FLG2: variants seen among roughly 807,000 people sequenced by gnomAD.
The protein encoded by FLG2 is filaggrin-2.
Under a neutral mutation model 3.9 loss-of-function variants are expected in FLG2, and 7 were observed. The ratio of observed to expected loss-of-function variants is 1.79; its 90% CI spans 1.02 to 3.36. The LOEUF is 3.36. FLG2 is among the 30% of genes most tolerant of loss of function. The pLI is 0.00. For missense variants in FLG2, 2,700 were observed against 2,809.4 expected (o/e 0.96, Z 0.88); for synonymous variants, 1,031 against 1,056.1 (o/e 0.98, Z 0.46).
At position 152,356,739 on chromosome 1, in the gene FLG2, G is replaced by A; in HGVS notation, c.1047C>T (p.Ser349=). Residue 349 remains serine (S), a synonymous_variant, in exon 3 of 3, where the codon TCC becomes TCT. Coordinates refer to ENST00000388718, the MANE Select transcript of FLG2 (RefSeq NM_001014342.3). ...TAGCTCCATATCCTCTCTGACTATAGGACTGACTACAGGGGTTAGACTCAG... is the reference window on the plus strand; with the variant it reads ...TAGCTCCATATCCTCTCTGACTATAAGACTGACTACAGGGGTTAGACTCAG... ...GQPESNPCSQ[S]YSQRGYGARE... is the part of the protein sequence containing the mutation. 1 of 1,614,120 alleles carries A rather than the reference G, an allele frequency of 6.2e-7. No individual in the cohort carries two copies. Among genetic ancestry groups the A allele is most frequent in the African/African-American group, 1.3e-5 (1 of 75,004 alleles).
At position 152,357,400 on chromosome 1, in the gene FLG2, T is replaced by C. The variant is rs747912480; in HGVS notation, c.386A>G (p.Tyr129Cys). The C allele has an allele frequency of 1.5e-5, 24 of 1,614,074 alleles. No homozygotes were observed. Among genetic ancestry groups the C allele is most frequent in the Non-Finnish European group, 1.9e-5 (23 of 1,180,040 alleles). ...TCCCTCACTCCAACTTGAATGTCTG[T>C]AACCTGATTTATGTCCTGGTGTATC... ...EEDTPGHKSG[Y>C]RHSSWSEGEE... Residue 129 changes from tyrosine (Y) to cysteine (C), a missense_variant, in exon 3 of 3, where the codon TAC (tyrosine) becomes TGC (cysteine). By Grantham distance (194) the Tyr-to-Cys change is radical (BLOSUM62 -2). Transcript: ENST00000388718.
In FLG2 at chr1:152,353,322, C is replaced by T. The variant is rs1553218359; in HGVS notation, c.4464G>A (p.Gln1488=). Residue 1488 remains glutamine (Q), a synonymous_variant, in exon 3 of 3, where the codon CAG becomes CAA. Transcript: ENST00000388718. ...TTCTTCCAGTTGTACTGGACCCTCT[C>T]TGTGTGGATTTTCCATGATGATAGT... ...HAHYHHGKST[Q]RGSSTTGRRG... The T allele has an allele frequency of 6.2e-7, 1 of 1,613,206 alleles. No homozygotes were observed.
At chr1:152,359,774 C>T (rs1486686360) in intron 1 of FLG2, among the ~76,000 whole-genome samples, 182 bp downstream of exon 1, 1 of 151,178 alleles carries the variant, frequency 6.6e-6, no homozygotes, top group Non-Finnish European at 1.5e-5. Flanking sequence ...ACAAAAAGGC[C>T]CCAGAATAAA....
intron 2 of FLG2, 43 bp from the exon 3 acceptor site, chr1:152,357,690 C>A (rs142211912): frequency 2.2e-6 from 3 of 1,389,448 alleles, no homozygotes; most frequent in South Asian, 1.3e-5. Context: ...GTCAGCCTAA[C>A]CTGCATACTC....
chr1:152,351,019 C>T lies in FLG2; in HGVS notation c.6767G>A (p.Ser2256Asn). 1 of 1,612,848 alleles carries T rather than the reference C, an allele frequency of 6.2e-7. No homozygotes were observed. The highest frequency in any genetic ancestry group is 8.5e-7 in the Non-Finnish European group (1 of 1,179,848). ...RTTGRRGSGH[S>N]ESSDSEVHSW... ...GTGCACTTCACTGTCACTGGACTCA[C>T]TGTGGCCAGATCCCCTTCTTCCAGT... Residue 2256 changes from serine (S) to asparagine (N), a missense_variant, in exon 3 of 3, where the codon AGT becomes AAT. Coordinates refer to ENST00000388718, the MANE Select transcript of FLG2 (RefSeq NM_001014342.3).
rs762507218 is a variant in FLG2, at chr1:152,352,768, G to C, written c.5018C>G (p.Thr1673Ser). ...ATGTTGAGATCCAGCTTGACCATGA[G>C]TGTGTCCTGTATGTGTGTGTGAGAC... ...SGVSHTHTGH[T>S]HGQAGSQHGQ... The change falls in exon 3 of 3, where the codon ACT becomes AGT. Residue 1673 changes from threonine to serine, a missense_variant. Transcript: ENST00000388718. 3 of 1,613,894 alleles carry C rather than the reference G, an allele frequency of 1.9e-6. No individual in the cohort carries two copies. Among genetic ancestry groups the C allele is most frequent in the Non-Finnish European group, 2.5e-6 (3 of 1,179,976 alleles).
In FLG2 at chr1:152,350,786, C is replaced by T; in HGVS notation, c.7000G>A (p.Glu2334Lys). 1.9e-6 allele frequency: 3 copies of T among 1,614,236 alleles called. No homozygotes were observed. The highest frequency in any genetic ancestry group is 2.5e-6 in the Non-Finnish European group (3 of 1,180,050). ...RASHFQSHSS[E>K]RQRHGSSQVW... ...TGACTTGATCCATGCCTTTGCCTTT[C>T]ACTACTATGTGACTGAAAATGACTT... is the stretch of plus-strand genomic sequence containing the variant. Residue 2334 changes from glutamate to lysine, a missense_variant, in exon 3 of 3, where the codon GAA becomes AAA. By Grantham distance (56) the Glu-to-Lys change is moderately conservative. Coordinates refer to ENST00000388718, the MANE Select transcript of FLG2 (RefSeq NM_001014342.3).
At position 152,353,738 on chromosome 1, in the gene FLG2, C is replaced by A. The variant is rs943779768; in HGVS notation, c.4048G>T (p.Ala1350Ser). 3.7e-6 allele frequency: 6 copies of A among 1,613,750 alleles called. No individual in the cohort carries two copies. Among genetic ancestry groups the A allele is most frequent in the African/African-American group, 2.7e-5 (2 of 74,786 alleles). Residue 1350 changes from alanine (A) to serine (S), a missense_variant, in exon 3 of 3, where the codon GCC (alanine) becomes TCC (serine). Ala to Ser is a moderately conservative substitution (Grantham distance 99). Transcript: ENST00000388718. ...SGRQRFSHSD[A>S]TDSEVHSGVS... Reference sequence around the variant, plus strand: ...CCTGAGTGCACTTCACTGTCAGTGGCATCACTGTGGCTAAATCTCTGTCTT... The same window carrying A: ...CCTGAGTGCACTTCACTGTCAGTGGAATCACTGTGGCTAAATCTCTGTCTT...
rs765141597 is a variant in FLG2 at position 152,350,288 on chromosome 1, T to C, written c.*322A>G. On this transcript the variant is annotated 3_prime_UTR_variant, in exon 3 of 3. Transcript: ENST00000388718. Reference sequence around the variant, plus strand: ...TCAGTATGGGATTCCTGTTTTCTGATTGAACTAGATTTTGAATGGCCATGA... The same window carrying C: ...TCAGTATGGGATTCCTGTTTTCTGACTGAACTAGATTTTGAATGGCCATGA... 1 of 309,732 alleles carries C rather than the reference T, an allele frequency of 3.2e-6. No homozygotes were observed. Among genetic ancestry groups the C allele is most frequent in the Non-Finnish European group, 5.9e-6 (1 of 168,682 alleles). 19.2% of individuals were successfully genotyped at this position (309,732 alleles called of 1,614,324 possible). A position where few individuals can be genotyped will look rare whatever the true frequency, so the allele number is the denominator to read the frequency against.
rs746471928 is a variant in FLG2, at chr1:152,354,214, C to T, written c.3572G>A (p.Ser1191Asn). The T allele has an allele frequency of 1.2e-5, 19 of 1,614,020 alleles. No homozygotes were observed. Among genetic ancestry groups the T allele is most frequent in the Non-Finnish European group, 1.4e-5 (17 of 1,180,018 alleles). Residue 1191 changes from serine to asparagine, a missense_variant, in exon 3 of 3, where the codon AGT becomes AAT. Ser to Asn is a conservative substitution (Grantham distance 46). Coordinates refer to ENST00000388718, the MANE Select transcript of FLG2 (RefSeq NM_001014342.3). ...TGAGTCAGATATATGTTGTCCAGAACTAGAGAAATTGTCTGAGCCAGACAC... is the reference window on the plus strand; with the variant it reads ...TGAGTCAGATATATGTTGTCCAGAATTAGAGAAATTGTCTGAGCCAGACAC... The part of the protein sequence containing the change: ...QHVSGSDNFS[S>N]SGQHISDSGQ...
At position 152,349,930 on chromosome 1, in the gene FLG2, G is replaced by C. The variant is rs1452430396; in HGVS notation, c.*680C>G. ...ATACCTATACTCTTCAATTCCTGCA[G>C]GGTCTTGGCTGTCAAGAAAGTGACT... On this transcript the variant is annotated 3_prime_UTR_variant, in exon 3 of 3. Transcript: ENST00000388718. 2.6e-5 allele frequency: 4 copies of C among 154,580 alleles called. No individual in the cohort carries two copies. The highest frequency in any genetic ancestry group is 6.4e-5 in the Admixed American group (1 of 15,730). The allele number at this position is 154,580 out of a possible 1,614,324, so 9.6% of individuals were successfully genotyped here. A position where few individuals can be genotyped will look rare whatever the true frequency, so the allele number is the denominator to read the frequency against.
intron 1 of FLG2, 75 bp from the exon 2 acceptor site, chr1:152,358,981 C>T (rs1454606452): frequency 1.5e-6 from 2 of 1,364,940 alleles, no homozygotes; most frequent in African/African-American, 3.0e-5. Flanking sequence ...TTAATAATAA[C>T]CAGCATGATT....
rs1480611551 is a variant in FLG2 at position 152,351,380 on chromosome 1, A to G, written c.6406T>C (p.Ser2136Pro). The change falls in exon 3 of 3, where the codon TCA (serine) becomes CCA (proline). Residue 2136 changes from serine to proline, a missense_variant. By Grantham distance (74) the Ser-to-Pro change is moderately conservative. Coordinates refer to ENST00000388718, the MANE Select transcript of FLG2 (RefSeq NM_001014342.3). ...TGTCTCCCGTGAATGGCAGATCCTG[A>G]CTCTCCATGTTGAGATCTGGCTTGG... is the stretch of plus-strand genomic sequence containing the variant. Reference protein sequence around the residue: ...YGQARSQHGESGSAIHGRQGT... With the variant: ...YGQARSQHGEPGSAIHGRQGT... 10 of 1,610,670 alleles carry G rather than the reference A, an allele frequency of 6.2e-6. No individual in the cohort carries two copies. Among genetic ancestry groups the G allele is most frequent in the Non-Finnish European group, 8.5e-6 (10 of 1,179,120 alleles).
In FLG2 at chr1:152,356,169, A is replaced by G. The variant is rs1347643177; in HGVS notation, c.1617T>C (p.Arg539=). 3 of 1,613,598 alleles carry G rather than the reference A, an allele frequency of 1.9e-6. No homozygotes were observed. The highest frequency in any genetic ancestry group is 2.5e-6 in the Non-Finnish European group (3 of 1,179,988). Reference sequence around the variant, plus strand: ...AACCATGTTGGCCATAGCTAGACTGACGTGATCTAGACTCATGTTGTCCAA... The same window carrying G: ...AACCATGTTGGCCATAGCTAGACTGGCGTGATCTAGACTCATGTTGTCCAA... ...SGFGQHESRS[R]QSSYGQHGSG... The change falls in exon 3 of 3, where the codon CGT becomes CGC. Residue 539 remains arginine, a synonymous_variant. Coordinates refer to ENST00000388718, the MANE Select transcript of FLG2 (RefSeq NM_001014342.3).
In FLG2 at chr1:152,351,611, C is replaced by T; in HGVS notation, c.6175G>A (p.Gly2059Arg). The T allele has an allele frequency of 1.2e-6, 2 of 1,606,090 alleles. No homozygotes were observed. Among genetic ancestry groups the T allele is most frequent in the Non-Finnish European group, 8.5e-7 (1 of 1,177,960 alleles). ...HAHGQAGSQH[G>R]ESGSSVHERH... ...TCATGAACTGAGGATCCTGACTCTC[C>T]ATGTTGAGATCCGGCTTGGCCATGA... is the stretch of plus-strand genomic sequence containing the variant. The change falls in exon 3 of 3, where the codon GGA becomes AGA. Residue 2059 changes from glycine to arginine, a missense_variant. Coordinates refer to ENST00000388718, the MANE Select transcript of FLG2 (RefSeq NM_001014342.3).
rs369775361 is a variant in FLG2, at chr1:152,352,189, G to C, written c.5597C>G (p.Thr1866Arg). 2.6e-5 allele frequency: 42 copies of C among 1,613,754 alleles called. No individual in the cohort carries two copies. The highest frequency in any genetic ancestry group is 1.7e-4 in the Middle Eastern group (1 of 6,060). Residue 1866 changes from threonine (T) to arginine (R), a missense_variant, in exon 3 of 3, where the codon ACA (threonine) becomes AGA (arginine). Transcript: ENST00000388718. The part of the protein sequence containing the change: ...GHSQSGHGQS[T>R]QSGSSTTGRR... The stretch of plus-strand genomic sequence containing the variant: ...TCCAGTTGTACTGGATCCTGACTGT[G>C]TGGACTGTCCATGACCAGATTGAGA...
chr1:152,357,371 C>A lies in FLG2; in HGVS notation c.415G>T (p.Glu139Ter). The A allele has an allele frequency of 3.1e-6, 5 of 1,614,146 alleles. No homozygotes were observed. Among genetic ancestry groups the A allele is most frequent in the Non-Finnish European group, 4.2e-6 (5 of 1,180,034 alleles). ...GAGTGCCCAGAACTATATCCATGCT[C>A]CTCTCCCTCACTCCAACTTGAATGT... ...YRHSSWSEGE[E>*]HGYSSGHSRG... is the part of the protein sequence containing the mutation. Residue 139 changes from glutamate to a stop codon, truncating the protein, a stop_gained, in exon 3 of 3, where the codon GAG becomes TAG. Coordinates refer to ENST00000388718, the MANE Select transcript of FLG2 (RefSeq NM_001014342.3). LOFTEE classifies it low-confidence loss of function (END_TRUNC).
Position 152,353,183 on chromosome 1 carries a change from T to C in FLG2, c.4603A>G (p.Ile1535Val), listed in dbSNP as rs1259315238. 6.2e-7 allele frequency: 1 copy of C among 1,613,882 alleles called. No individual in the cohort carries two copies. The highest frequency in any genetic ancestry group is 2.2e-5 in the East Asian group (1 of 44,850). The change falls in exon 3 of 3, where the codon ATA becomes GTA. Residue 1535 changes from isoleucine (I) to valine (V), a missense_variant. Physicochemically the swap from Ile to Val is conservative, Grantham distance 29. Transcript: ENST00000388718. ...GTAATTCTGTGTCTGTCATGAATTA[T>C]GGATTCTGACTCTCCATGTTGAGAT... ...SGSQHGESES[I>V]IHDRHRITHG...
At chr1:152,358,623 A>C (rs1654337629) in intron 2 of FLG2, 124 bp downstream of exon 2, 1 of 898,152 alleles carries the variant, frequency 1.1e-6, no homozygotes, top group Non-Finnish European at 1.6e-6. Context: ...TGGCATCCCC[A>C]AAATACCACT....
Sources: allele counts gnomAD v4.1 joint callset (sites outside exome capture counted in the v4.1 genomes callset), GRCh38; gene constraint gnomAD v4.1.1; transcripts MANE v1.5; gene names NCBI Gene and HGNC (gene_info 2026-07-23, HGNC 2026-07-21).